The following CLCN2 variants were observed in gnomAD, a reference collection of about 807,000 sequenced individuals.
The protein encoded by CLCN2 is chloride channel protein 2.
Under a neutral mutation model 108.3 loss-of-function variants are expected in CLCN2, and 72 were observed. The ratio of observed to expected loss-of-function variants is 0.66; its 90% confidence interval spans 0.55 to 0.81. CLCN2 has a LOEUF of 0.81. CLCN2 is among the 30% of genes least tolerant of loss of function. CLCN2 has a pLI of 0.00. For missense variants in CLCN2, 1,048 were observed against 1,205.2 expected (o/e 0.87, Z 1.93); for synonymous variants, 471 against 467.1 (o/e 1.01, Z -0.11).
Position 184,351,808 on chromosome 3 carries a change from A to G in CLCN2, c.2415+205T>C, listed in dbSNP as rs186715634. ...GGCAAGGCTGAGCAGAGGAAAAACGATGCCTGGCTCCACCACAGAGCAGGA... is the reference window on the plus strand; with the variant it reads ...GGCAAGGCTGAGCAGAGGAAAAACGGTGCCTGGCTCCACCACAGAGCAGGA... On this transcript the variant is annotated intron_variant, in intron 22 of 23. Transcript: ENST00000265593. Among the ~76,000 whole-genome samples, 16 of 152,224 alleles carry G rather than the reference A, an allele frequency of 1.1e-4. No individual in the cohort carries two copies. The East Asian group carries it at 2.7e-3, about 26-fold the overall frequency.
chr3:184,347,010 G>C lies in CLCN2; in HGVS notation c.2427C>G (p.Ile809Met). 1.2e-6 allele frequency: 2 copies of C among 1,613,866 alleles called. No individual in the cohort carries two copies. Among genetic ancestry groups the C allele is most frequent in the Non-Finnish European group, 1.7e-6 (2 of 1,179,752 alleles). The change falls in exon 23 of 24, where the codon ATC becomes ATG. Residue 809 changes from isoleucine to methionine, a missense_variant. Physicochemically the swap from Ile to Met is conservative, Grantham distance 10 (BLOSUM62 1). Transcript: ENST00000265593. ...ERTSLHKTHTIFSLLGVDHAY... is the reference protein window; with the variant it reads ...ERTSLHKTHTMFSLLGVDHAY... Reference sequence around the variant, plus strand: ...CATGGTCCACTCCCAGCAGTGAGAAGATAGTGTGAGTCTGCAGTGTGGGGA... The same window carrying C: ...CATGGTCCACTCCCAGCAGTGAGAACATAGTGTGAGTCTGCAGTGTGGGGA...
In CLCN2 at chr3:184,352,720, A is replaced by G; in HGVS notation, c.2217+17T>C. On this transcript the variant is annotated intron_variant, in intron 19 of 23. Coordinates refer to ENST00000265593, the MANE Select transcript of CLCN2 (RefSeq NM_004366.6). ...TGGGGAAAAAGCAAGCTAGGAGGAC[A>G]GGCTCCAGCCACTCACCTCCGAAGC... The G allele has an allele frequency of 3.7e-6, 6 of 1,612,418 alleles. No individual in the cohort carries two copies. The highest frequency in any genetic ancestry group is 1.3e-5 in the African/African-American group (1 of 75,052).
rs142626193 is a variant in CLCN2, at chr3:184,354,292, C to T, written c.1530G>A (p.Ala510=). 83 of 1,612,932 alleles carry T rather than the reference C, an allele frequency of 5.1e-5. No homozygotes were observed. The highest frequency in any genetic ancestry group is 1.6e-4 in the Middle Eastern group (1 of 6,062). The part of the protein sequence containing the change: ...AVVGAAALAG[A]VTHTVSTAVI... ...CAGCCGTGGACACTGTGTGTGTCAC[C>T]GCTCCTGCCAGCGCAGCTGCCCCTG... is the stretch of plus-strand genomic sequence containing the variant. The change falls in exon 15 of 24, where the codon GCG becomes GCA. Residue 510 remains alanine, a synonymous_variant. Coordinates refer to ENST00000265593, the MANE Select transcript of CLCN2 (RefSeq NM_004366.6).
chr3:184,347,636 C>T (rs1343186864), intron 22 of CLCN2: 1 of 169,866 alleles, frequency 5.9e-6, no homozygotes, highest in African/African-American at 2.4e-5. Flanking sequence ...AGTTGCCCTC[C>T]TACCTGGCTG....
In CLCN2 at chr3:184,357,397, A is replaced by T; in HGVS notation, c.863T>A (p.Ile288Asn). ...GTTCCAGACTGCCAAGACCCGGAAG[A>T]TGAAGGCACTGAAGGTGGCAGCGAA... The part of the protein sequence containing the change: ...GFFAATFSAF[I>N]FRVLAVWNRD... Residue 288 changes from isoleucine (I) to asparagine (N), a missense_variant, in exon 8 of 24, where the codon ATC (isoleucine) becomes AAC (asparagine). Ile to Asn is a moderately radical substitution (Grantham distance 149). Coordinates refer to ENST00000265593, the MANE Select transcript of CLCN2 (RefSeq NM_004366.6). The T allele has an allele frequency of 6.2e-7, 1 of 1,614,082 alleles. No homozygotes were observed.
chr3:184,359,276 T>C, intron 1 of CLCN2, 145 bp from the exon 2 acceptor site: 1 of 1,033,314 alleles, frequency 9.7e-7, no homozygotes. Flanking sequence ...TGGCCCGAGG[T>C]GTGGGAACAA....
rs772095827 is a variant in CLCN2, at chr3:184,357,729, C to A, written c.694-31G>T. The A allele has an allele frequency of 1.2e-5, 20 of 1,613,944 alleles. No homozygotes were observed. In the Admixed American group the frequency reaches 2.8e-4, roughly 23 times the overall value. ...GAGAGTGGTGGCAAGAGGGGGTCAG[C>A]TGTGGGCTCAGCAGCCTCTGCCCCC... On this transcript the variant is annotated intron_variant, in intron 6 of 23. Coordinates refer to ENST00000265593, the MANE Select transcript of CLCN2 (RefSeq NM_004366.6).
rs1458831101 is a variant in CLCN2 at position 184,354,272 on chromosome 3, G to A, written c.1550C>T (p.Thr517Met). Residue 517 changes from threonine to methionine, a missense_variant, in exon 15 of 24, where the codon ACG becomes ATG. Physicochemically the swap from Thr to Met is moderately conservative, Grantham distance 81. Transcript: ENST00000265593. ...LAGAVTHTVSTAVIVFELTGQ... is the reference protein window; with the variant it reads ...LAGAVTHTVSMAVIVFELTGQ... ...TGTGAGCTCGAACACGATCACAGCCGTGGACACTGTGTGTGTCACCGCTCC... is the reference window on the plus strand; with the variant it reads ...TGTGAGCTCGAACACGATCACAGCCATGGACACTGTGTGTGTCACCGCTCC... 1.2e-6 allele frequency: 2 copies of A among 1,613,046 alleles called. No individual in the cohort carries two copies. Among genetic ancestry groups the A allele is most frequent in the Non-Finnish European group, 1.7e-6 (2 of 1,179,944 alleles).
chr3:184,352,945 T>A, intron 18 of CLCN2, 88 bp downstream of exon 18: 1 of 1,527,260 alleles, frequency 6.5e-7, no homozygotes, highest in Non-Finnish European at 9.1e-7. Context: ...CCAGCTGGGA[T>A]GTACCCCAGC....
At position 184,346,835 on chromosome 3, in the gene CLCN2, G is replaced by C. The variant is rs1727709677; in HGVS notation, c.2503-35C>G. On this transcript the variant is annotated intron_variant, in intron 23 of 23. Coordinates refer to ENST00000265593, the MANE Select transcript of CLCN2 (RefSeq NM_004366.6). The surrounding 1 kb of genome is among the most constrained non-coding windows in gnomAD (Gnocchi z 6.0). ...TGAGAGGGACAGATGTCTGGACCCA[G>C]ATGTCAGACTCCTCCCCGCCTTCCT... 6.2e-7 allele frequency: 1 copy of C among 1,613,472 alleles called. No homozygotes were observed. Among genetic ancestry groups the C allele is most frequent in the Non-Finnish European group, 8.5e-7 (1 of 1,179,434 alleles).
chr3:184,354,029 G>A (rs1728337487), intron 15 of CLCN2, 72 bp downstream of exon 15: 1 of 1,506,842 alleles, frequency 6.6e-7, no homozygotes, highest in Non-Finnish European at 9.2e-7. Flanking sequence ...CCTTGCTAGA[G>A]GTGGCTGTAG....
rs1197282567 is a variant in CLCN2, at chr3:184,346,556, T to C, written c.*50A>G. On this transcript the variant is annotated 3_prime_UTR_variant, in exon 24 of 24. Coordinates refer to ENST00000265593, the MANE Select transcript of CLCN2 (RefSeq NM_004366.6). The surrounding 1 kb of genome is among the most constrained non-coding windows in gnomAD (Gnocchi z 6.0). ...GGCAGAAGGAATGAAAGATGCACATTCTGGGCTGACGGGCATGGCTAGCAC... is the reference window on the plus strand; with the variant it reads ...GGCAGAAGGAATGAAAGATGCACATCCTGGGCTGACGGGCATGGCTAGCAC... The C allele has an allele frequency of 6.2e-7, 1 of 1,601,424 alleles. No homozygotes were observed. Among genetic ancestry groups the C allele is most frequent in the African/African-American group, 1.3e-5 (1 of 74,814 alleles).
At chr3:184,351,254 C>T (rs1047906198) in intron 22 of CLCN2, among the ~76,000 whole-genome samples, 10 of 152,034 alleles carry the variant, frequency 6.6e-5, no homozygotes, top group African/African-American at 2.4e-4. Flanking sequence ...AAGGCTTGTA[C>T]ATTATGCCTG....
chr3:184,352,128 G>A lies in CLCN2; in HGVS notation c.2311-11C>T, dbSNP rs752002428. 18 of 1,610,908 alleles carry A rather than the reference G, an allele frequency of 1.1e-5. No individual in the cohort carries two copies. Among genetic ancestry groups the A allele is most frequent in the Non-Finnish European group, 6.8e-6 (8 of 1,177,260 alleles). ...CTCCCACTCCAGAATCTGAGGGGAA[G>A]AGACTATGAGGTTTAGGGAGAAGGT... On this transcript the variant is annotated splice_polypyrimidine_tract_variant and intron_variant, in intron 21 of 23. Transcript: ENST00000265593.
intron 15 of CLCN2, 137 bp downstream of exon 15, chr3:184,353,963 GC>G: frequency 7.4e-7 from 1 of 1,346,908 alleles, no homozygotes; most frequent in Middle Eastern, 2.3e-4. Flanking sequence ...GCCAGCTACA[GC>G]CCCTCCAGAG....
intron 15 of CLCN2, 69 bp from the exon 16 acceptor site, chr3:184,353,864 A>T: frequency 6.4e-7 from 1 of 1,570,422 alleles, no homozygotes; most frequent in East Asian, 2.3e-5. Flanking sequence ...TTGCCATCCC[A>T]GGGCCACAAG....
In CLCN2 at chr3:184,351,949, G is replaced by A. The variant is rs926109874; in HGVS notation, c.2415+64C>T. 43 of 1,219,950 alleles carry A rather than the reference G, an allele frequency of 3.5e-5. No individual in the cohort carries two copies. In the African/African-American group the frequency reaches 5.4e-4, roughly 15 times the overall value. 75.6% of individuals were successfully genotyped at this position (1,219,950 alleles called of 1,614,324 possible). On this transcript the variant is annotated intron_variant, in intron 22 of 23. Coordinates refer to ENST00000265593, the MANE Select transcript of CLCN2 (RefSeq NM_004366.6). ...CTGGCCTGAGTCCAAACTTGTAGGG[G>A]GACCAAGATCCCCACTGTGTCCTGA...
chr3:184,354,528 A>C lies in CLCN2; in HGVS notation c.1507+20T>G, dbSNP rs1473142745. The stretch of plus-strand genomic sequence containing the variant: ...TGGGTGGGGGGGTCTCCCAAGGCCG[A>C]TGGGACCTGAGGCACTCACCGACCA... On this transcript the variant is annotated intron_variant, in intron 14 of 23. Coordinates refer to ENST00000265593, the MANE Select transcript of CLCN2 (RefSeq NM_004366.6). 6.3e-7 allele frequency: 1 copy of C among 1,593,746 alleles called. No individual in the cohort carries two copies. Among genetic ancestry groups the C allele is most frequent in the Non-Finnish European group, 8.6e-7 (1 of 1,162,670 alleles).
intron 22 of CLCN2, chr3:184,348,722 C>G (rs1273285264): frequency 6.6e-6 from 1 of 152,182 alleles, no homozygotes; most frequent in Non-Finnish European, 1.5e-5. Context: ...TCCCAAGGAG[C>G]CTATTAAATA....
Sources: gnomAD v4.1 joint callset for allele counts (sites outside exome capture counted in the v4.1 genomes callset) on GRCh38, gnomAD v4.1.1 for gene constraint, Gnocchi (gnomAD v3.1) non-coding constraint, MANE v1.5 for transcripts, NCBI Gene and HGNC (gene_info 2026-07-23, HGNC 2026-07-21) for gene names.